The following DOP1B variants were observed in gnomAD, a reference collection of about 807,000 sequenced individuals.
DOP1B encodes the protein DOP1 leucine zipper like protein B, also known as protein DOP1B.
A neutral mutation model predicts 233.5 loss-of-function variants in DOP1B; 174 were observed. The ratio of observed to expected loss-of-function variants is 0.75; its 90% confidence interval spans 0.66 to 0.85. DOP1B has a LOEUF of 0.85. DOP1B is among the 40% of genes least tolerant of loss of function. The pLI is 0.00. For synonymous variants in DOP1B, 1,190 were observed against 1,185.6 expected (o/e 1.00, Z -0.08); for missense variants, 2,652 against 2,846.6 (o/e 0.93, Z 1.56).
intron 14 of DOP1B, among the ~76,000 whole-genome samples, chr21:36,231,384 G>A (rs936276191): frequency 6.6e-6 from 1 of 152,154 alleles, no homozygotes; most frequent in African/African-American, 2.4e-5. Flanking sequence ...TTCAGGTTTT[G>A]GATTTGGAAT....
chr21:36,245,532 C>T lies in DOP1B; in HGVS notation c.3552C>T (p.Asp1184=). 1 of 1,613,546 alleles carries T rather than the reference C, an allele frequency of 6.2e-7. No homozygotes were observed. Among genetic ancestry groups the T allele is most frequent in the Non-Finnish European group, 8.5e-7 (1 of 1,180,036 alleles). Residue 1184 remains aspartate, a synonymous_variant, in exon 19 of 37, where the codon GAC becomes GAT. Coordinates refer to ENST00000691173, the MANE Select transcript of DOP1B (RefSeq NM_001320714.2). This position sits in a 1 kb window ranked among gnomAD's most constrained non-coding sequence, Gnocchi z 5.5. ...AKLSLVRVDS[D]KTQASESFSS... is the part of the protein sequence containing the mutation. ...TAAGCCTGGTGCGGGTGGACTCGGA[C>T]AAGACGCAGGCTTCTGAGTCGTTCT...
intron 7 of DOP1B, among the ~76,000 whole-genome samples, chr21:36,213,750 C>T (rs985608686): frequency 1.3e-5 from 2 of 151,400 alleles, no homozygotes; most frequent in South Asian, 4.2e-4. Context: ...ATGTTGGCCA[C>T]GCTGGTTTCG....
chr21:36,280,091 T>C (rs2067399497), intron 30 of DOP1B, among the ~76,000 whole-genome samples, 194 bp from the exon 31 acceptor site: 2 of 152,216 alleles, frequency 1.3e-5, no homozygotes, highest in South Asian at 4.1e-4. Context: ...CTCAGGCTGG[T>C]CTTGAACTCC....
chr21:36,227,417 G>T (rs781734236), intron 12 of DOP1B, among the ~76,000 whole-genome samples: 5 of 150,820 alleles, frequency 3.3e-5, no homozygotes, highest in South Asian at 2.1e-4. Context: ...CGTGGTGGTG[G>T]GCACCTGTAG....
intron 15 of DOP1B, among the ~76,000 whole-genome samples, chr21:36,233,596 C>T (rs1310303182): frequency 6.6e-6 from 1 of 152,214 alleles, no homozygotes; most frequent in Non-Finnish European, 1.5e-5. Flanking sequence ...AGTGCCATGA[C>T]TCTTGCTGCT....
intron 5 of DOP1B, among the ~76,000 whole-genome samples, chr21:36,209,146 G>T (rs1462552379): frequency 6.6e-6 from 1 of 152,180 alleles, no homozygotes; most frequent in Non-Finnish European, 1.5e-5. Flanking sequence ...TTTTGAGACG[G>T]AGTCTCGCTC....
chr21:36,189,061 A>G (rs979754652), intron 2 of DOP1B, among the ~76,000 whole-genome samples: 1 of 152,098 alleles, frequency 6.6e-6, no homozygotes, highest in Non-Finnish European at 1.5e-5. Context: ...GGAATTTTTC[A>G]TCGTGTTCCC....
chr21:36,274,682 G>A (rs562242995), intron 27 of DOP1B, among the ~76,000 whole-genome samples: 2 of 152,024 alleles, frequency 1.3e-5, no homozygotes, highest in African/African-American at 2.4e-5. Flanking sequence ...AGAATTCATC[G>A]GGGTGGGTGG....
chr21:36,162,804 C>T (rs2065880014), intron 1 of DOP1B, among the ~76,000 whole-genome samples: 1 of 152,078 alleles, frequency 6.6e-6, no homozygotes, highest in African/African-American at 2.4e-5. Flanking sequence ...CTTGGCCTCT[C>T]AAAAGTGCTG....
Position 36,248,515 on chromosome 21 carries a change from G to C in DOP1B, c.4945G>C (p.Asp1649His), listed in dbSNP as rs760453207. Reference sequence around the variant, plus strand: ...GGAGGAGACTCAAAAGAGACCTGTCGATCTCCTAGGGGCCACGAAGGGATC... The same window carrying C: ...GGAGGAGACTCAAAAGAGACCTGTCCATCTCCTAGGGGCCACGAAGGGATC... ...RKEETQKRPVDLLGATKGSSS... is the reference protein window; with the variant it reads ...RKEETQKRPVHLLGATKGSSS... The change falls in exon 21 of 37, where the codon GAT (aspartate) becomes CAT (histidine). Residue 1649 changes from aspartate to histidine, a missense_variant. Around this residue, in one of 3 missense-constraint regions of DOP1B, gnomAD observed 2,617 missense variants for 2,794.3 expected, o/e 0.94. Transcript: ENST00000691173. The C allele has an allele frequency of 3.1e-6, 5 of 1,614,034 alleles. No homozygotes were observed. The highest frequency in any genetic ancestry group is 4.2e-6 in the Non-Finnish European group (5 of 1,179,968).
At chr21:36,243,905 T>C (rs1342923616) in intron 18 of DOP1B, among the ~76,000 whole-genome samples, 1 of 151,764 alleles carries the variant, frequency 6.6e-6, no homozygotes, top group East Asian at 1.9e-4. Context: ...ACTCTTGGGA[T>C]CAAGCAATCC....
At chr21:36,290,692 A>G (rs1357590504) in intron 35 of DOP1B, among the ~76,000 whole-genome samples, 3 of 152,102 alleles carry the variant, frequency 2.0e-5, no homozygotes, top group Non-Finnish European at 4.4e-5. Flanking sequence ...TGGGAGGCTG[A>G]GGCAGGAGAA....
intron 16 of DOP1B, among the ~76,000 whole-genome samples, chr21:36,237,666 G>T (rs1283879806): frequency 6.6e-6 from 1 of 152,204 alleles, no homozygotes; most frequent in East Asian, 1.9e-4. Context: ...GCCCAAACTT[G>T]CTGGAAGGAC....
In DOP1B at chr21:36,245,788, A is replaced by G; in HGVS notation, c.3808A>G (p.Ser1270Gly). ...TGTGTCCAGGACTAGCATGGATACC[A>G]GCTCCACCGCGCACCTCAACCTCAT... ...EAVSRTSMDT[S>G]STAHLNLISN... is the part of the protein sequence containing the mutation. Residue 1270 changes from serine (S) to glycine (G), a missense_variant, in exon 19 of 37, where the codon AGC (serine) becomes GGC (glycine). Transcript: ENST00000691173. The surrounding 1 kb of genome is among the most constrained non-coding windows in gnomAD (Gnocchi z 5.5). 2 of 1,613,872 alleles carry G rather than the reference A, an allele frequency of 1.2e-6. No individual in the cohort carries two copies. The highest frequency in any genetic ancestry group is 1.7e-6 in the Non-Finnish European group (2 of 1,179,954).
At chr21:36,278,544 CAAAGAGGAATATCACT>C (rs2146245239) in intron 30 of DOP1B, among the ~76,000 whole-genome samples, 189 bp downstream of exon 30, 1 of 152,218 alleles carries the variant, frequency 6.6e-6, no homozygotes, top group South Asian at 2.1e-4. Context: ...TTTTAAAGTA[CAAAGAGGAATATCACT>C]TAATTCAGAG....
At chr21:36,199,317 T>C in intron 3 of DOP1B, 66 bp downstream of exon 3, 1 of 1,545,626 alleles carries the variant, frequency 6.5e-7, no homozygotes, top group Non-Finnish European at 8.7e-7. Context: ...GCTCACAAGA[T>C]GAGAAAATGA....
chr21:36,157,264 G>A (rs1254966325), intron 1 of DOP1B, among the ~76,000 whole-genome samples: 1 of 152,064 alleles, frequency 6.6e-6, no homozygotes, highest in Non-Finnish European at 1.5e-5. Flanking sequence ...GAGCGGGGCG[G>A]CAGGTGCAGG....
Position 36,293,353 on chromosome 21 carries a change from A to G in DOP1B, c.6679A>G (p.Ser2227Gly), listed in dbSNP as rs2067580648. 1 of 1,614,156 alleles carries G rather than the reference A, an allele frequency of 6.2e-7. No homozygotes were observed. Among genetic ancestry groups the G allele is most frequent in the East Asian group, 2.2e-5 (1 of 44,876 alleles). Reference protein sequence around the residue: ...ISSSDEITMKSEFPLLRQHSV... With the variant: ...ISSSDEITMKGEFPLLRQHSV... Reference sequence around the variant, plus strand: ...TAGCTCTGATGAGATCACCATGAAGAGTGAATTCCCGCTTCTGCGCCAACA... The same window carrying G: ...TAGCTCTGATGAGATCACCATGAAGGGTGAATTCCCGCTTCTGCGCCAACA... The change falls in exon 37 of 37, where the codon AGT (serine) becomes GGT (glycine). Residue 2227 changes from serine (S) to glycine (G), a missense_variant. By Grantham distance (56) the Ser-to-Gly change is moderately conservative (BLOSUM62 0). Coordinates refer to ENST00000691173, the MANE Select transcript of DOP1B (RefSeq NM_001320714.2).
intron 5 of DOP1B, among the ~76,000 whole-genome samples, chr21:36,210,225 C>T (rs370768018): frequency 4.6e-5 from 7 of 152,154 alleles, no homozygotes; most frequent in East Asian, 3.9e-4. Context: ...TCTGACTTCC[C>T]GGCTGGGTGC....
Sources: allele counts gnomAD v4.1 joint callset (sites outside exome capture counted in the v4.1 genomes callset), GRCh38; gene constraint gnomAD v4.1.1; regional missense constraint gnomAD v4.1.1; non-coding constraint Gnocchi (gnomAD v3.1); transcripts MANE v1.5; gene names NCBI Gene and HGNC (gene_info 2026-07-23, HGNC 2026-07-21).